The following PPP6R2 variants were observed in gnomAD, a reference collection of about 807,000 sequenced individuals.
The protein encoded by PPP6R2 is serine/threonine-protein phosphatase 6 regulatory subunit 2.
A neutral mutation model predicts 100.2 loss-of-function variants in PPP6R2; 62 were observed. The observed-to-expected ratio is 0.62, with a 90% confidence interval of 0.50 to 0.76. PPP6R2 has a LOEUF of 0.76. PPP6R2 is among the 30% of genes least tolerant of loss of function. PPP6R2 has a pLI of 0.00. For synonymous variants in PPP6R2, 525 were observed against 514.7 expected (o/e 1.02, Z -0.27); for missense variants, 1,142 against 1,276.3 (o/e 0.89, Z 1.60).
At chr22:50,368,581 A>G (rs2049266176) in intron 1 of PPP6R2, among the ~76,000 whole-genome samples, 1 of 152,210 alleles carries the variant, frequency 6.6e-6, no homozygotes, top group South Asian at 2.1e-4. Flanking sequence ...ATCTATTTCT[A>G]GTATAACTAT....
In PPP6R2 at chr22:50,371,368, A is replaced by G. The variant is rs561439112; in HGVS notation, c.-147-652A>G. Among the ~76,000 whole-genome samples, 11 of 152,158 alleles carry G rather than the reference A, an allele frequency of 7.2e-5. No individual in the cohort carries two copies. In the South Asian group the frequency reaches 1.9e-3, roughly 26 times the overall value. On this transcript the variant is annotated intron_variant, in intron 1 of 23. Coordinates refer to ENST00000612753, the MANE Select transcript of PPP6R2 (RefSeq NM_001242898.2). ...GAAAAGGAAGACTGCCAGGTTGCCT[A>G]AGGAGGTGTGAACCAGCTGAGGTTG... is the stretch of plus-strand genomic sequence containing the variant.
At chr22:50,406,618 CTA>C (rs2058997614) in intron 3 of PPP6R2, 69 bp from the exon 4 acceptor site, 2 of 1,427,454 alleles carry the variant, frequency 1.4e-6, no homozygotes, top group East Asian at 4.6e-5. Flanking sequence ...AAGAAGCAGA[CTA>C]TGTAAGCAGC....
chr22:50,425,880 T>G (rs1315470568), intron 10 of PPP6R2, among the ~76,000 whole-genome samples: 9 of 139,908 alleles, frequency 6.4e-5, no homozygotes, highest in Non-Finnish European at 1.1e-4. Context: ...GTTTTTTTTT[T>G]GTTTTTTTTT....
chr22:50,340,957 C>G (rs1351911102), upstream of PPP6R2, among the ~76,000 whole-genome samples: 1 of 152,060 alleles, frequency 6.6e-6, no homozygotes, highest in Non-Finnish European at 1.5e-5. Flanking sequence ...GTCGCCCAGG[C>G]TGGAGTGCAG....
intron 2 of PPP6R2, among the ~76,000 whole-genome samples, chr22:50,383,785 G>C (rs1460343539): frequency 6.6e-6 from 1 of 152,032 alleles, no homozygotes; most frequent in Non-Finnish European, 1.5e-5. Context: ...GACTGTAATT[G>C]CAGCACTTTG....
the PPP6R2 span, among the ~76,000 whole-genome samples, chr22:50,332,466 G>A: frequency 2.0e-5 from 3 of 151,800 alleles, no homozygotes; most frequent in Admixed American, 1.3e-4. Flanking sequence ...TCCTGACCTC[G>A]TGATCCGCCT....
chr22:50,385,299 G>A (rs1329291175), intron 2 of PPP6R2, among the ~76,000 whole-genome samples: 4 of 151,958 alleles, frequency 2.6e-5, no homozygotes, highest in African/African-American at 7.3e-5. Flanking sequence ...AGGTTCAAGC[G>A]ATTCTTGTGC....
At chr22:50,428,611 G>A (rs932917752) in intron 10 of PPP6R2, among the ~76,000 whole-genome samples, 40 of 152,082 alleles carry the variant, frequency 2.6e-4, no homozygotes, top group Admixed American at 2.5e-3. Flanking sequence ...CAGCTATTCA[G>A]GAGACTGAAG....
intron 4 of PPP6R2, among the ~76,000 whole-genome samples, chr22:50,409,628 A>G (rs948989079): frequency 1.3e-5 from 2 of 152,190 alleles, no homozygotes; most frequent in South Asian, 2.1e-4. Flanking sequence ...GGGTTTCACC[A>G]TGTTGGCCAG....
chr22:50,358,992 C>CG (rs2047187860), intron 1 of PPP6R2, among the ~76,000 whole-genome samples: 1 of 14,324 alleles, frequency 7.0e-5, no homozygotes, highest in Non-Finnish European at 1.1e-4. Context: ...AAAGAACCGC[C>CG]CCCCCCCCCC....
rs547134028 is a variant in PPP6R2 at position 50,388,406 on chromosome 22, A to T, written c.-16-5487A>T. Among the ~76,000 whole-genome samples, 186 of 151,252 alleles carry T rather than the reference A, an allele frequency of 1.2e-3. 2 individuals are homozygous for T. Among genetic ancestry groups the T allele is most frequent in the Middle Eastern group, 0.01 (3 of 292 alleles). On this transcript the variant is annotated intron_variant, in intron 2 of 23. Coordinates refer to ENST00000612753, the MANE Select transcript of PPP6R2 (RefSeq NM_001242898.2). ...AAGACCCTATCTCAAAAAAAAAAAA[A>T]AATAAGCCTAAATCCTGGACAAGGT...
rs1201870578 is a variant in PPP6R2 at position 50,438,285 on chromosome 22, A to G, written c.1951A>G (p.Met651Val). 1.2e-6 allele frequency: 2 copies of G among 1,612,728 alleles called. No homozygotes were observed. Among genetic ancestry groups the G allele is most frequent in the Admixed American group, 1.7e-5 (1 of 59,830 alleles). ...DSDTRCAARV[M>V]ARPRFGAPHA... ...TGACACTCGCTGTGCTGCCCGGGTGATGGCCAGACCCAGGTGCGGGGCCTG... is the reference window on the plus strand; with the variant it reads ...TGACACTCGCTGTGCTGCCCGGGTGGTGGCCAGACCCAGGTGCGGGGCCTG... Residue 651 changes from methionine (M) to valine (V), a missense_variant, in exon 18 of 24, where the codon ATG becomes GTG. By Grantham distance (21) the Met-to-Val change is conservative. This residue lies in a region of PPP6R2 where 550 missense variants were observed against 517.4 expected (regional missense o/e 1.06). Transcript: ENST00000612753.
intron 1 of PPP6R2, among the ~76,000 whole-genome samples, chr22:50,370,921 T>C (rs945369386): frequency 1.3e-5 from 2 of 150,474 alleles, no homozygotes; most frequent in South Asian, 2.1e-4. Context: ...CGTGAGCCAC[T>C]GCCCCCAGCC....
chr22:50,352,734 C>CAAAAAAAA (rs1279904743), intron 1 of PPP6R2, among the ~76,000 whole-genome samples: 3 of 115,468 alleles, frequency 2.6e-5, no homozygotes, highest in African/African-American at 1.1e-4. Context: ...AAAACAAAAA[C>CAAAAAAAA]AAAAACAAAA....
At chr22:50,368,650 C>G (rs1044511884) in intron 1 of PPP6R2, among the ~76,000 whole-genome samples, 1 of 151,952 alleles carries the variant, frequency 6.6e-6, no homozygotes, top group African/African-American at 2.4e-5. Context: ...AGTCTCTTGC[C>G]TTGGCACCTG....
At chr22:50,359,263 G>A (rs573690943) in intron 1 of PPP6R2, among the ~76,000 whole-genome samples, 1 of 144,714 alleles carries the variant, frequency 6.9e-6, no homozygotes, top group Non-Finnish European at 1.5e-5. Flanking sequence ...CTGTCGCCCA[G>A]GCTGGAGTGC....
intron 1 of PPP6R2, among the ~76,000 whole-genome samples, chr22:50,356,213 C>G (rs1456741035): frequency 1.3e-5 from 2 of 152,086 alleles, no homozygotes; most frequent in Non-Finnish European, 2.9e-5. Context: ...ATCTGCCTGC[C>G]TCGGCCTCCC....
At chr22:50,437,760 T>G (rs1371996349) in intron 16 of PPP6R2, 83 bp from the exon 17 acceptor site, 1 of 1,490,148 alleles carries the variant, frequency 6.7e-7, no homozygotes, top group African/African-American at 1.4e-5. Flanking sequence ...AGGCCCCCGA[T>G]GAGCACCGGG....
intron 2 of PPP6R2, among the ~76,000 whole-genome samples, chr22:50,389,777 G>T (rs12158382): frequency 0.36 from 54,880 of 151,110 alleles, 10,509 homozygotes; most frequent in South Asian, 0.62. Context: ...TTTTGTATTT[G>T]TGGTAGAGAT....
Sources: gnomAD v4.1 joint callset for allele counts (sites outside exome capture counted in the v4.1 genomes callset) on GRCh38, gnomAD v4.1.1 for gene constraint, gnomAD v4.1.1 regional missense constraint, MANE v1.5 for transcripts, NCBI Gene and HGNC (gene_info 2026-07-23, HGNC 2026-07-21) for gene names.